The following CYLD variants were observed in gnomAD, a reference collection of about 807,000 sequenced individuals.
The protein encoded by CYLD is ubiquitin carboxyl-terminal hydrolase CYLD.
In CYLD, 26 loss-of-function variants were observed where a neutral mutation model predicts 104.5. The ratio of observed to expected loss-of-function variants is 0.25; its 90% confidence interval spans 0.18 to 0.35. The LOEUF (loss-of-function observed/expected upper bound fraction) is 0.35, where lower values mean the gene tolerates loss of function less well. CYLD is among the 10% of genes least tolerant of loss of function. The pLI is 1.00. For missense variants in CYLD, 703 were observed against 1,136.1 expected (o/e 0.62, Z 5.48); for synonymous variants, 385 against 399.9 (o/e 0.96, Z 0.45).
At position 50,776,355 on chromosome 16, in the gene CYLD, T is replaced by A. The variant is rs1969684330; in HGVS notation, c.1021+78T>A. On this transcript the variant is annotated intron_variant, in intron 7 of 18. Coordinates refer to ENST00000427738, the MANE Select transcript of CYLD (RefSeq NM_001378743.1). The stretch of plus-strand genomic sequence containing the variant: ...CATAGCATTAAAAAAGATTATAAGC[T>A]ATTACTTCTGAACATGTATGTAGAC... The A allele has an allele frequency of 3.9e-6, 4 of 1,038,584 alleles. No individual in the cohort carries two copies. In the South Asian group the frequency reaches 5.2e-5, roughly 13 times the overall value. 64.3% of individuals were successfully genotyped at this position (1,038,584 alleles called of 1,614,324 possible).
rs1972406710 is a variant in CYLD, at chr16:50,800,878, G to A, written c.*4370G>A. On this transcript the variant is annotated 3_prime_UTR_variant, in exon 19 of 19. Transcript: ENST00000427738. ...ATTTGAATTCCCCAAAGCAGGTGAG[G>A]AGTCGGGGAGGAGAAAGCGATGTTA... The A allele has an allele frequency of 4.3e-6, 1 of 233,416 alleles. No homozygotes were observed. Among genetic ancestry groups the A allele is most frequent in the Non-Finnish European group, 8.5e-6 (1 of 118,058 alleles). 14.5% of individuals were successfully genotyped at this position (233,416 alleles called of 1,614,324 possible).
At chr16:50,789,754 A>G (rs912953201) in intron 14 of CYLD, among the ~76,000 whole-genome samples, 1 of 152,208 alleles carries the variant, frequency 6.6e-6, no homozygotes, top group Non-Finnish European at 1.5e-5. Flanking sequence ...AAAATAATTA[A>G]ATAGTCTAAA....
intron 6 of CYLD, 30 bp downstream of exon 6, chr16:50,775,204 C>T: frequency 6.3e-7 from 1 of 1,583,724 alleles, no homozygotes; most frequent in African/African-American, 1.3e-5. Flanking sequence ...TGTTGGACTC[C>T]ACGGATGTAT....
intron 5 of CYLD, among the ~76,000 whole-genome samples, chr16:50,758,850 G>T (rs945137762): frequency 6.6e-6 from 1 of 152,102 alleles, no homozygotes; most frequent in African/African-American, 2.4e-5. Flanking sequence ...AATTGAGTTA[G>T]CTATTAAACA....
At position 50,745,336 on chromosome 16, in the gene CYLD, T is replaced by G. The variant is rs541842249; in HGVS notation, c.-124+2495T>G. 5.8e-4 allele frequency among the ~76,000 whole-genome samples: 88 copies of G among 151,842 alleles called. 3 individuals carry two copies. The highest frequency in any genetic ancestry group is 1.7e-3 in the African/African-American group (70 of 41,344). ...ATGTGGATTGATGTTGGGTTTTTTT[T>G]TGTGTGTGTTCTCTCTTTCCTCTTT... On this transcript the variant is annotated intron_variant, in intron 2 of 18. Coordinates refer to ENST00000427738, the MANE Select transcript of CYLD (RefSeq NM_001378743.1).
At chr16:50,746,032 G>GT (rs1966165941) in intron 2 of CYLD, among the ~76,000 whole-genome samples, 1 of 152,042 alleles carries the variant, frequency 6.6e-6, no homozygotes, top group Non-Finnish European at 1.5e-5. Flanking sequence ...ATATAATGGA[G>GT]TGTGTATATA....
At chr16:50,761,284 T>C (rs1195904321) in intron 5 of CYLD, among the ~76,000 whole-genome samples, 1 of 152,224 alleles carries the variant, frequency 6.6e-6, no homozygotes, top group Non-Finnish European at 1.5e-5. Context: ...TTTGTTTTTA[T>C]TGTGGTAAAA....
At chr16:50,748,511 G>A (rs981064749) in intron 2 of CYLD, among the ~76,000 whole-genome samples, 4 of 151,834 alleles carry the variant, frequency 2.6e-5, no homozygotes, top group African/African-American at 9.7e-5. Context: ...TCGCACCAAT[G>A]TACCCAAGCC....
rs183587559 is a variant in CYLD, at chr16:50,775,552, C to T, written c.922+378C>T. Among the ~76,000 whole-genome samples, 33 of 152,236 alleles carry T rather than the reference C, an allele frequency of 2.2e-4. No homozygotes were observed. In the East Asian group the frequency reaches 5.4e-3, roughly 25 times the overall value. ...AACAGATATATGTTCTTAACCAGAA[C>T]TTTCTTTCCTAACCATGATACATAT... On this transcript the variant is annotated intron_variant, in intron 6 of 18. Coordinates refer to ENST00000427738, the MANE Select transcript of CYLD (RefSeq NM_001378743.1).
intron 15 of CYLD, 112 bp downstream of exon 15, chr16:50,791,802 A>G: frequency 8.4e-7 from 1 of 1,197,512 alleles, no homozygotes; most frequent in Non-Finnish European, 1.2e-6. Flanking sequence ...TTGAAACACA[A>G]ACTGTTAAGA....
At chr16:50,789,400 A>G (rs1270439130) in intron 14 of CYLD, among the ~76,000 whole-genome samples, 1 of 152,180 alleles carries the variant, frequency 6.6e-6, no homozygotes, top group East Asian at 1.9e-4. Flanking sequence ...TAGCCTACAC[A>G]CTTATGGAAT....
rs902269118 is a variant in CYLD, at chr16:50,777,703, A to G, written c.1022-122A>G. 27 of 657,142 alleles carry G rather than the reference A, an allele frequency of 4.1e-5. No individual in the cohort carries two copies. In the Middle Eastern group the frequency reaches 1.3e-3, roughly 30 times the overall value. 40.7% of individuals were successfully genotyped at this position (657,142 alleles called of 1,614,324 possible). The stretch of plus-strand genomic sequence containing the variant: ...CAGTTAAAAAACATATTGTGTTTAT[A>G]TACATTTATTGGTTATGTAAACAGT... On this transcript the variant is annotated intron_variant, in intron 7 of 18. Coordinates refer to ENST00000427738, the MANE Select transcript of CYLD (RefSeq NM_001378743.1).
intron 5 of CYLD, among the ~76,000 whole-genome samples, chr16:50,769,786 C>T (rs767948325): frequency 5.3e-5 from 8 of 152,160 alleles, no homozygotes; most frequent in South Asian, 2.1e-4. Context: ...CTTTTACTGC[C>T]GCACAAATTC....
chr16:50,792,316 T>G (rs928389229), intron 15 of CYLD, among the ~76,000 whole-genome samples: 48 of 152,192 alleles, frequency 3.2e-4, no homozygotes, highest in African/African-American at 1.2e-3. Context: ...CTTTAATAAA[T>G]ATAAACCCAA....
chr16:50,759,485 G>A (rs1967664271), intron 5 of CYLD, among the ~76,000 whole-genome samples: 1 of 151,930 alleles, frequency 6.6e-6, no homozygotes, highest in Non-Finnish European at 1.5e-5. Flanking sequence ...TTATATCTCT[G>A]TAGCTAAACA....
chr16:50,773,625 T>A (rs550905181), intron 5 of CYLD, among the ~76,000 whole-genome samples: 15 of 152,326 alleles, frequency 9.8e-5, no homozygotes, highest in Non-Finnish European at 1.8e-4. Flanking sequence ...TTTGTTTTAA[T>A]CACACAAAAT....
At chr16:50,754,950 CATAT>C (rs1482475471) in intron 5 of CYLD, among the ~76,000 whole-genome samples, 1 of 143,444 alleles carries the variant, frequency 7.0e-6, no homozygotes, top group Non-Finnish European at 1.5e-5. Flanking sequence ...TATATACACA[CATAT>C]ATACATATAC....
chr16:50,782,813 A>G (rs1274737141), intron 11 of CYLD, among the ~76,000 whole-genome samples: 1 of 151,914 alleles, frequency 6.6e-6, no homozygotes, highest in Non-Finnish European at 1.5e-5. Flanking sequence ...TTCTTTTAGT[A>G]GGTAAAGGCA....
chr16:50,793,493 A>T, intron 16 of CYLD, 53 bp from the exon 17 acceptor site: 1 of 1,167,364 alleles, frequency 8.6e-7, no homozygotes, highest in Non-Finnish European at 1.3e-6. Context: ...TTCATGAAAG[A>T]ATGCATTTTT....
Sources: gnomAD v4.1 joint callset for allele counts (sites outside exome capture counted in the v4.1 genomes callset) on GRCh38, gnomAD v4.1.1 for gene constraint, MANE v1.5 for transcripts, NCBI Gene and HGNC (gene_info 2026-07-23, HGNC 2026-07-21) for gene names.